The following FNBP1L variants were observed in gnomAD, a reference collection of about 807,000 sequenced individuals.
The protein encoded by FNBP1L is formin binding protein 1 like, also known as formin-binding protein 1-like.
In FNBP1L, 36 loss-of-function variants were observed where a neutral mutation model predicts 91.2. The observed-to-expected ratio is 0.39, with a 90% confidence interval of 0.30 to 0.52. The LOEUF is 0.52. Ranked by LOEUF, FNBP1L falls within the 20% of genes least tolerant of loss-of-function variation. The pLI is 0.66. For missense variants in FNBP1L, 571 were observed against 732.1 expected (o/e 0.78, Z 2.54); for synonymous variants, 242 against 237.0 (o/e 1.02, Z -0.19).
At chr1:93,497,986 TA>T (rs1269764467) in intron 1 of FNBP1L, among the ~76,000 whole-genome samples, 1 of 152,158 alleles carries the variant, frequency 6.6e-6, no homozygotes, top group African/African-American at 2.4e-5. Flanking sequence ...AAAAACTGTT[TA>T]AAAATAATGT....
chr1:93,464,712 A>G (rs1197493856), intron 1 of FNBP1L, among the ~76,000 whole-genome samples: 1 of 152,186 alleles, frequency 6.6e-6, no homozygotes. Flanking sequence ...ATTAAACATA[A>G]TTATTAAATT....
Position 93,546,902 on chromosome 1 carries a change from G to A in FNBP1L, c.1335G>A (p.Gly445=). 2 of 1,613,046 alleles carry A rather than the reference G, an allele frequency of 1.2e-6. No individual in the cohort carries two copies. Among genetic ancestry groups the A allele is most frequent in the South Asian group, 2.2e-5 (2 of 90,932 alleles). The change falls in exon 13 of 17, where the codon GGG becomes GGA. Residue 445 remains glycine (G), a synonymous_variant. Transcript: ENST00000271234. ...AGAATCCACAAATGGGGGATCCAGG[G>A]AGTTTGCAGCCTAAATTAGCAGAGA... ...YEKNPQMGDP[G]SLQPKLAETM... is the part of the protein sequence containing the mutation.
intron 1 of FNBP1L, among the ~76,000 whole-genome samples, chr1:93,482,027 G>A (rs1340113261): frequency 1.3e-5 from 2 of 152,106 alleles, no homozygotes; most frequent in Non-Finnish European, 2.9e-5. Flanking sequence ...AGTTGTAGTA[G>A]CGTGTACCTG....
At chr1:93,500,456 A>G (rs1670408426) in intron 2 of FNBP1L, among the ~76,000 whole-genome samples, 2 of 152,006 alleles carry the variant, frequency 1.3e-5, no homozygotes, top group South Asian at 4.1e-4. Flanking sequence ...TTTGGGGAGA[A>G]AGGAAGGGAG....
At chr1:93,494,645 A>G (rs1435581663) in intron 1 of FNBP1L, among the ~76,000 whole-genome samples, 1 of 152,208 alleles carries the variant, frequency 6.6e-6, no homozygotes, top group Non-Finnish European at 1.5e-5. Context: ...GACTCAGGGA[A>G]TAAGGGTTTT....
chr1:93,538,673 A>C (rs1022470339), intron 10 of FNBP1L, among the ~76,000 whole-genome samples: 9 of 151,892 alleles, frequency 5.9e-5, no homozygotes, highest in Non-Finnish European at 1.3e-4. Flanking sequence ...AGAAGAAGGT[A>C]AGCTTTAGTA....
At position 93,515,044 on chromosome 1, in the gene FNBP1L, T is replaced by C. The variant is rs546358299; in HGVS notation, c.141-7038T>C. Among the ~76,000 whole-genome samples, 180 of 152,266 alleles carry C rather than the reference T, an allele frequency of 1.2e-3. 1 individual carries two copies. In the Middle Eastern group the frequency reaches 0.017, roughly 14 times the overall value. ...TCTGACAGAGGGCTAATATGCAGAATCTACAACGAACTCAAACAAATTTAC... is the reference window on the plus strand; with the variant it reads ...TCTGACAGAGGGCTAATATGCAGAACCTACAACGAACTCAAACAAATTTAC... On this transcript the variant is annotated intron_variant, in intron 2 of 16. Coordinates refer to ENST00000271234, the MANE Select transcript of FNBP1L (RefSeq NM_001164473.3).
intron 6 of FNBP1L, 97 bp from the exon 7 acceptor site, chr1:93,530,658 C>A: frequency 7.5e-7 from 1 of 1,338,942 alleles, no homozygotes; most frequent in Non-Finnish European, 1.0e-6. Flanking sequence ...CAGGTGTTGG[C>A]TTCTTCATTG....
intron 1 of FNBP1L, among the ~76,000 whole-genome samples, chr1:93,452,484 C>G (rs1035941516): frequency 6.6e-6 from 1 of 152,172 alleles, no homozygotes; most frequent in African/African-American, 2.4e-5. Flanking sequence ...TGATTGATAG[C>G]TTGGTAATGT....
intron 2 of FNBP1L, among the ~76,000 whole-genome samples, chr1:93,503,464 A>G (rs909675015): frequency 6.6e-6 from 1 of 152,192 alleles, no homozygotes; most frequent in Admixed American, 6.5e-5. Flanking sequence ...TACATTTTAA[A>G]TATATTACAA....
At chr1:93,465,872 C>A (rs1464102012) in intron 1 of FNBP1L, among the ~76,000 whole-genome samples, 1 of 152,190 alleles carries the variant, frequency 6.6e-6, no homozygotes, top group East Asian at 1.9e-4. Flanking sequence ...CCTGTTGTTT[C>A]CTGACTTTTT....
chr1:93,480,485 T>C (rs1028016708), intron 1 of FNBP1L, among the ~76,000 whole-genome samples: 23 of 152,228 alleles, frequency 1.5e-4, no homozygotes, highest in African/African-American at 5.1e-4. Flanking sequence ...AAATTTTCTC[T>C]AGACATTGAT....
Position 93,540,935 on chromosome 1 carries a change from G to A in FNBP1L, c.1150-107G>A, listed in dbSNP as rs1485630287. 14 of 963,094 alleles carry A rather than the reference G, an allele frequency of 1.5e-5. No individual in the cohort carries two copies. In the East Asian group the frequency reaches 2.5e-4, roughly 17 times the overall value. 59.7% of individuals were successfully genotyped at this position (963,094 alleles called of 1,614,324 possible). A position where few individuals can be genotyped will look rare whatever the true frequency, so the allele number is the denominator to read the frequency against. ...TAATTGTTTGGATTGTGAAATGTACGTGATTTATTTTAGTATTGTGAAAAA... is the reference window on the plus strand; with the variant it reads ...TAATTGTTTGGATTGTGAAATGTACATGATTTATTTTAGTATTGTGAAAAA... On this transcript the variant is annotated intron_variant, in intron 10 of 16. Transcript: ENST00000271234.
At chr1:93,466,197 T>G (rs1025911791) in intron 1 of FNBP1L, among the ~76,000 whole-genome samples, 3 of 152,188 alleles carry the variant, frequency 2.0e-5, no homozygotes, top group Non-Finnish European at 2.9e-5. Flanking sequence ...CAGAAGCTCT[T>G]TAGTTTAATT....
intron 13 of FNBP1L, 98 bp from the exon 14 acceptor site, chr1:93,547,248 CA>C: frequency 9.4e-7 from 1 of 1,064,604 alleles, no homozygotes; most frequent in South Asian, 1.6e-5. Context: ...CTAAGAATTA[CA>C]TAATTATAAA....
intron 2 of FNBP1L, among the ~76,000 whole-genome samples, chr1:93,511,523 A>G (rs986368755): frequency 5.3e-5 from 8 of 152,290 alleles, no homozygotes; most frequent in African/African-American, 1.2e-4. Flanking sequence ...AAAGAACATC[A>G]AGACTAGGAA....
intron 2 of FNBP1L, among the ~76,000 whole-genome samples, chr1:93,511,784 G>A (rs1275019269): frequency 1.3e-5 from 2 of 151,728 alleles, no homozygotes; most frequent in African/African-American, 4.8e-5. Context: ...GGCTAAAACG[G>A]TGAAACCCCG....
intron 1 of FNBP1L, among the ~76,000 whole-genome samples, chr1:93,495,739 A>T (rs1670239832): frequency 6.6e-6 from 1 of 152,214 alleles, no homozygotes; most frequent in Admixed American, 6.5e-5. Context: ...AGAAATTTTA[A>T]TGGTGACTGA....
intron 1 of FNBP1L, among the ~76,000 whole-genome samples, chr1:93,490,241 C>T (rs951871980): frequency 5.9e-5 from 9 of 152,026 alleles, no homozygotes; most frequent in African/African-American, 2.2e-4. Flanking sequence ...ATATTTATTG[C>T]CTCACATTAC....
Sources: gnomAD v4.1 joint callset for allele counts (sites outside exome capture counted in the v4.1 genomes callset) on GRCh38, gnomAD v4.1.1 for gene constraint, MANE v1.5 for transcripts, NCBI Gene and HGNC (gene_info 2026-07-23, HGNC 2026-07-21) for gene names.